ISM1: variants seen among roughly 807,000 people sequenced by gnomAD.
ISM1 encodes isthmin 1.
A neutral mutation model predicts 46.3 loss-of-function variants in ISM1; 25 were observed. The observed-to-expected ratio is 0.54, with a 90% confidence interval of 0.39 to 0.75. The LOEUF is 0.75. ISM1 is among the 30% of genes least tolerant of loss of function. ISM1 has a pLI of 0.00. For missense variants in ISM1, 536 were observed against 625.4 expected (o/e 0.86, Z 1.52); for synonymous variants, 255 against 256.7 (o/e 0.99, Z 0.06).
At chr20:13,261,501 A>C (rs2039989540) in intron 1 of ISM1, among the ~76,000 whole-genome samples, 1 of 152,112 alleles carries the variant, frequency 6.6e-6, no homozygotes, top group African/African-American at 2.4e-5. Flanking sequence ...TAGAGAAAAG[A>C]AGAATTTGTG....
intron 1 of ISM1, among the ~76,000 whole-genome samples, chr20:13,266,092 C>T (rs1404093785): frequency 6.6e-6 from 1 of 152,178 alleles, no homozygotes; most frequent in Non-Finnish European, 1.5e-5. Context: ...GAACCTTCCA[C>T]TTACTCCTCA....
At chr20:13,316,742 T>TA in the ISM1 span, among the ~76,000 whole-genome samples, 792 of 142,838 alleles carry the variant, frequency 5.5e-3, 1 homozygote, top group Middle Eastern at 0.021. Context: ...CCATTCATTA[T>TA]AAAAAAAAAA....
At chr20:13,313,259 C>T in the ISM1 span, among the ~76,000 whole-genome samples, 1 of 152,230 alleles carries the variant, frequency 6.6e-6, no homozygotes, top group Non-Finnish European at 1.5e-5. Flanking sequence ...CCACACGCAC[C>T]TGTTAAGTTT....
In ISM1 at chr20:13,292,378, T is replaced by C; in HGVS notation, c.792T>C (p.Ile264=). 6.3e-7 allele frequency: 1 copy of C among 1,596,258 alleles called. No individual in the cohort carries two copies. The highest frequency in any genetic ancestry group is 8.5e-7 in the Non-Finnish European group (1 of 1,169,812). Residue 264 remains isoleucine (I), a synonymous_variant, in exon 5 of 6, where the codon ATT becomes ATC. Transcript: ENST00000262487. ...RTCDRPNCPG[I]EDTFRTAATE... ...TGAGCTCTTGTCTGTGTTTAGGAAT[T>C]GAAGACACTTTTAGGACAGCTGCCA...
At chr20:13,225,409 C>G (rs1418736717) in intron 1 of ISM1, among the ~76,000 whole-genome samples, 1 of 152,160 alleles carries the variant, frequency 6.6e-6, no homozygotes, top group Non-Finnish European at 1.5e-5. Flanking sequence ...GACAGTCTTA[C>G]TGTGTTAACT....
chr20:13,292,922 C>T (rs552626372), intron 5 of ISM1, among the ~76,000 whole-genome samples: 4 of 152,216 alleles, frequency 2.6e-5, no homozygotes, highest in Non-Finnish European at 4.4e-5. Context: ...CCGGGCCAGG[C>T]GCGGTGGGTC....
the ISM1 span, among the ~76,000 whole-genome samples, chr20:13,311,511 A>G: frequency 3.3e-5 from 5 of 152,246 alleles, no homozygotes; most frequent in Non-Finnish European, 7.3e-5. Context: ...ATTATACTCA[A>G]TAGCTGAGAT....
At chr20:13,227,515 T>TC (rs2039539926) in intron 1 of ISM1, among the ~76,000 whole-genome samples, 1 of 74,518 alleles carries the variant, frequency 1.3e-5, no homozygotes, top group Admixed American at 1.3e-4. Context: ...ACTTTTTTCT[T>TC]TTTTTTTTTT....
chr20:13,285,650 T>C (rs1418616139), intron 3 of ISM1, among the ~76,000 whole-genome samples: 2 of 152,206 alleles, frequency 1.3e-5, no homozygotes, highest in Admixed American at 6.5e-5. Context: ...AAGCAAGTCA[T>C]GTGGCCCATC....
intron 1 of ISM1, among the ~76,000 whole-genome samples, chr20:13,222,286 AC>A (rs1484767342): frequency 2.0e-5 from 3 of 151,864 alleles, no homozygotes; most frequent in Non-Finnish European, 4.4e-5. Flanking sequence ...GAGTAATGTT[AC>A]TCGAGGCTGG....
chr20:13,296,912 G>C (rs545018187), intron 5 of ISM1, among the ~76,000 whole-genome samples: 113 of 152,164 alleles, frequency 7.4e-4, no homozygotes, highest in African/African-American at 2.6e-3. Context: ...CAGCTACTCG[G>C]GAGACTGAGG....
the ISM1 span, among the ~76,000 whole-genome samples, chr20:13,317,765 C>A: frequency 6.6e-6 from 1 of 152,196 alleles, no homozygotes; most frequent in South Asian, 2.1e-4. Flanking sequence ...TAGTCACAGA[C>A]TTTATACCCT....
the ISM1 span, among the ~76,000 whole-genome samples, chr20:13,312,301 G>A: frequency 1.3e-3 from 205 of 152,248 alleles, 1 homozygote; most frequent in East Asian, 9.7e-3. Flanking sequence ...GTTCACAGTC[G>A]GCATGTGTGG....
chr20:13,269,938 T>C (rs2040092107), intron 1 of ISM1, among the ~76,000 whole-genome samples: 1 of 151,074 alleles, frequency 6.6e-6, no homozygotes, highest in Admixed American at 6.6e-5. Context: ...GGTGGAAGGA[T>C]GGATGGATGG....
At chr20:13,248,099 A>G (rs1277097301) in intron 1 of ISM1, among the ~76,000 whole-genome samples, 1 of 152,210 alleles carries the variant, frequency 6.6e-6, no homozygotes, top group Non-Finnish European at 1.5e-5. Context: ...TGCGGAAGAA[A>G]TGAGCTAAAG....
At chr20:13,315,900 G>A in the ISM1 span, among the ~76,000 whole-genome samples, 1 of 151,726 alleles carries the variant, frequency 6.6e-6, no homozygotes, top group Non-Finnish European at 1.5e-5. Flanking sequence ...ATAACACATG[G>A]GTCAAAGAAA....
the ISM1 span, among the ~76,000 whole-genome samples, chr20:13,321,253 T>TAAAAAAAAAAAAAAAAAAAAAAAAA: frequency 1.4e-4 from 8 of 57,520 alleles, no homozygotes; most frequent in Non-Finnish European, 2.5e-4. Context: ...GTGCCCCACA[T>TAAAAAAAAAAAAAAAAAAAAAAAAA]AAAAAAAAAA....
Position 13,221,533 on chromosome 20 carries a change from C to T in ISM1, c.-244C>T, listed in dbSNP as rs1165765714. ...CAGCCGGCTTGGACACCCCCGGCCT[C>T]GCGGTGGCTCCGCCGTGGTGCGGCG... On this transcript the variant is annotated 5_prime_UTR_variant, in exon 1 of 6. Transcript: ENST00000262487. 6.9e-6 allele frequency among the ~76,000 whole-genome samples: 1 copy of T among 144,348 alleles called. No individual in the cohort carries two copies. Among genetic ancestry groups the T allele is most frequent in the African/African-American group, 2.5e-5 (1 of 40,296 alleles). The allele number at this position is 144,348 out of a possible 152,430, so 94.7% of individuals were successfully genotyped here. A position where few individuals can be genotyped will look rare whatever the true frequency, so the allele number is the denominator to read the frequency against.
chr20:13,311,817 G>T, the ISM1 span, among the ~76,000 whole-genome samples: 1 of 152,160 alleles, frequency 6.6e-6, no homozygotes. Context: ...GGAAATGTTA[G>T]TTAAAGTGTA....
Sources: gnomAD v4.1 joint callset for allele counts (sites outside exome capture counted in the v4.1 genomes callset) on GRCh38, gnomAD v4.1.1 for gene constraint, MANE v1.5 for transcripts, NCBI Gene and HGNC (gene_info 2026-07-23, HGNC 2026-07-21) for gene names.